Variants in HNF4G observed in about 807,000 individuals in gnomAD.
The protein encoded by HNF4G is hepatocyte nuclear factor 4 gamma.
Under a neutral mutation model 50.9 loss-of-function variants are expected in HNF4G, and 21 were observed. That is an observed-to-expected ratio of 0.41 (90% CI 0.29 to 0.59). HNF4G has a LOEUF of 0.59. Ranked by LOEUF, HNF4G falls within the 20% of genes least tolerant of loss-of-function variation. HNF4G has a pLI of 0.26. For missense variants in HNF4G, 527 were observed against 559.4 expected (o/e 0.94, Z 0.58); for synonymous variants, 198 against 185.6 (o/e 1.07, Z -0.54).
At chr8:75,563,855 T>G in intron 9 of HNF4G, 120 bp from the exon 10 acceptor site, 1 of 1,084,594 alleles carries the variant, frequency 9.2e-7, no homozygotes, top group South Asian at 1.6e-5. Flanking sequence ...CACTATTCTG[T>G]GTAGGATATT....
intron 1 of HNF4G, among the ~76,000 whole-genome samples, chr8:75,468,423 C>G (rs1019251767): frequency 6.6e-6 from 1 of 152,130 alleles, no homozygotes; most frequent in African/African-American, 2.4e-5. Context: ...GGGCTGGGCA[C>G]GGTGGCTCAT....
intron 2 of HNF4G, among the ~76,000 whole-genome samples, chr8:75,512,733 G>A (rs930911031): frequency 6.6e-6 from 1 of 151,878 alleles, no homozygotes; most frequent in African/African-American, 2.4e-5. Flanking sequence ...CGAACTGCTG[G>A]GATTACAGGT....
chr8:75,506,847 T>TCAACAACAACAACAA (rs35739290), intron 2 of HNF4G, among the ~76,000 whole-genome samples: 110 of 151,266 alleles, frequency 7.3e-4, no homozygotes, highest in African/African-American at 2.6e-3. Flanking sequence ...TGGCAGATCA[T>TCAACAACAACAACAA]CAACAACAAC....
At chr8:75,424,906 C>T (rs1042791465) in intron 1 of HNF4G, among the ~76,000 whole-genome samples, 1 of 151,944 alleles carries the variant, frequency 6.6e-6, no homozygotes, top group Non-Finnish European at 1.5e-5. Context: ...TGAGTACATA[C>T]CTAGTAATGG....
intron 1 of HNF4G, among the ~76,000 whole-genome samples, chr8:75,442,795 G>C (rs904063649): frequency 3.9e-5 from 6 of 151,918 alleles, no homozygotes; most frequent in Non-Finnish European, 5.9e-5. Context: ...TAAAAACCTG[G>C]TTTTTAAGGT....
chr8:75,487,335 A>G (rs1051102839), intron 1 of HNF4G, among the ~76,000 whole-genome samples: 2 of 152,144 alleles, frequency 1.3e-5, no homozygotes, highest in African/African-American at 4.8e-5. Flanking sequence ...ATTTCGGGAT[A>G]GACACATATT....
chr8:75,559,549 G>A (rs1585959394), intron 8 of HNF4G, among the ~76,000 whole-genome samples: 1 of 152,216 alleles, frequency 6.6e-6, no homozygotes, highest in African/African-American at 2.4e-5. Flanking sequence ...TGGGAATACA[G>A]GCGTGAGCCA....
intron 1 of HNF4G, among the ~76,000 whole-genome samples, chr8:75,485,417 A>T (rs2130667810): frequency 6.6e-6 from 1 of 152,314 alleles, no homozygotes; most frequent in Admixed American, 6.5e-5. Flanking sequence ...ACCCAAAATC[A>T]ATGTCATAAA....
chr8:75,526,705 AT>A (rs1225334277), intron 2 of HNF4G, among the ~76,000 whole-genome samples: 2,449 of 140,338 alleles, frequency 0.017, 61 homozygotes, highest in East Asian at 0.15. Flanking sequence ...ACTAATTAAA[AT>A]TTTTTTTTTT....
In HNF4G at chr8:75,547,592, G is replaced by T; in HGVS notation, c.293G>T (p.Ser98Ile). The T allele has an allele frequency of 2.5e-6, 4 of 1,605,474 alleles. No individual in the cohort carries two copies. Among genetic ancestry groups the T allele is most frequent in the Non-Finnish European group, 3.4e-6 (4 of 1,172,418 alleles). ...GATATATCTTTATGTTATAGGTTCA[G>T]TCGGCAATGTGTTGTTGACAAGGAC... ...RKSHVYSCRF[S>I]RQCVVDKDKR... Residue 98 changes from serine to isoleucine, a missense_variant, in exon 3 of 10, where the codon AGT becomes ATT. Coordinates refer to ENST00000396423, the MANE Select transcript of HNF4G (RefSeq NM_004133.5).
At chr8:75,504,524 T>C (rs912500261) in intron 2 of HNF4G, among the ~76,000 whole-genome samples, 1 of 151,978 alleles carries the variant, frequency 6.6e-6, no homozygotes, top group Non-Finnish European at 1.5e-5. Flanking sequence ...ATATACTTTT[T>C]GGGGGAGGGC....
At chr8:75,545,459 T>C (rs1004588914) in intron 2 of HNF4G, among the ~76,000 whole-genome samples, 2 of 152,162 alleles carry the variant, frequency 1.3e-5, no homozygotes, top group African/African-American at 4.8e-5. Flanking sequence ...CTATTAAGAA[T>C]GCTACTGCCA....
At chr8:75,424,877 A>G (rs918691115) in intron 1 of HNF4G, among the ~76,000 whole-genome samples, 4 of 152,056 alleles carry the variant, frequency 2.6e-5, no homozygotes, top group African/African-American at 9.7e-5. Context: ...TCTTTTTGGT[A>G]AAATCATTTA....
chr8:75,539,499 T>C (rs1380244317), upstream of HNF4G, among the ~76,000 whole-genome samples: 1 of 152,184 alleles, frequency 6.6e-6, no homozygotes, highest in Non-Finnish European at 1.5e-5. Flanking sequence ...CTTACAGACT[T>C]GATTTACCAA....
At position 75,504,230 on chromosome 8, in the gene HNF4G, GACACACAC is replaced by G. The variant is rs201513424; in HGVS notation, c.-24+14061_-24+14068del. ...AGTAAGACTTTGTCCAAAGCACACAGACACACACACACACACACACACACACACACACA... is the reference window on the plus strand; with the variant it reads ...AGTAAGACTTTGTCCAAAGCACACAGACACACACACACACACACACACACA... On this transcript the variant is annotated intron_variant, in intron 2 of 10. Transcript: ENST00000354370. Among the ~76,000 whole-genome samples the G allele has an allele frequency of 2.6e-3, 284 of 108,314 alleles. 4 individuals are homozygous for G. In the East Asian group the frequency reaches 0.041, roughly 16 times the overall value. The allele number at this position is 108,314 out of a possible 152,430, so 71.1% of individuals were successfully genotyped here. A position where few individuals can be genotyped will look rare whatever the true frequency, so the allele number is the denominator to read the frequency against.
At chr8:75,460,972 G>C (rs1005173332) in intron 1 of HNF4G, among the ~76,000 whole-genome samples, 1 of 152,138 alleles carries the variant, frequency 6.6e-6, no homozygotes, top group African/African-American at 2.4e-5. Context: ...ATGAGTTACT[G>C]TAGATTAATG....
intron 1 of HNF4G, among the ~76,000 whole-genome samples, chr8:75,442,199 A>G (rs185309346): frequency 3.6e-4 from 55 of 151,276 alleles, no homozygotes; most frequent in African/African-American, 1.3e-3. Flanking sequence ...ATTACCCCAG[A>G]GAGTGGAGAT....
intron 6 of HNF4G, among the ~76,000 whole-genome samples, chr8:75,557,690 T>C (rs900876894): frequency 6.6e-6 from 1 of 152,026 alleles, no homozygotes; most frequent in Admixed American, 6.6e-5. Flanking sequence ...TTGTCATAAC[T>C]CCATAAAGCT....
intron 1 of HNF4G, among the ~76,000 whole-genome samples, chr8:75,424,480 A>G (rs992587475): frequency 2.6e-5 from 4 of 152,108 alleles, no homozygotes; most frequent in African/African-American, 7.2e-5. Flanking sequence ...TATTGATCCC[A>G]TCACTCAGAT....
Sources: allele counts gnomAD v4.1 joint callset (sites outside exome capture counted in the v4.1 genomes callset), GRCh38; gene constraint gnomAD v4.1.1; transcripts MANE v1.5; gene names NCBI Gene and HGNC (gene_info 2026-07-23, HGNC 2026-07-21).